The following ENPP3 variants were observed in gnomAD, a reference collection of about 807,000 sequenced individuals.
The protein encoded by ENPP3 is ectonucleotide pyrophosphatase/phosphodiesterase family member 3.
Under a neutral mutation model 117.8 loss-of-function variants are expected in ENPP3, and 104 were observed. The observed-to-expected ratio is 0.88, with a 90% CI of 0.75 to 1.04. The LOEUF (loss-of-function observed/expected upper bound fraction) is 1.04. Among genes scored for constraint, ENPP3 ranks in the 50% least tolerant of loss-of-function variants. The probability of loss-of-function intolerance (pLI) is 0.00; values close to 1 mark genes in which losing one functional copy is unlikely to be tolerated. For missense variants in ENPP3, 1,026 were observed against 1,051.9 expected, an observed-to-expected ratio of 0.98 and a Z score of 0.34; for synonymous variants, 380 against 349.9, an observed-to-expected ratio of 1.09 and a Z score of -0.96.
rs1193599170 is a variant in ENPP3, at chr6:131,691,297, TG to T, written c.1285-2199del. Among the ~76,000 whole-genome samples the T allele has an allele frequency of 6.6e-5, 10 of 152,150 alleles. No homozygotes were observed. In the East Asian group the frequency reaches 1.9e-3, roughly 29 times the overall value. The stretch of plus-strand genomic sequence containing the variant: ...CACTACTATTTATTCTGAGATAAAA[TG>T]TCAAAAACGGCCGGGCGCGGTGGCT... On this transcript the variant is annotated intron_variant, in intron 14 of 24. Transcript: ENST00000357639.
chr6:131,727,555 C>CAAAAAAAAAAAA (rs773470669), intron 20 of ENPP3, among the ~76,000 whole-genome samples: 2 of 52,258 alleles, frequency 3.8e-5, no homozygotes, highest in African/African-American at 6.1e-5. Flanking sequence ...AAGTCCATCT[C>CAAAAAAAAAAAA]AAAAAAAAAA....
intron 14 of ENPP3, among the ~76,000 whole-genome samples, chr6:131,688,271 C>T (rs750912492): frequency 1.7e-4 from 26 of 152,138 alleles, no homozygotes; most frequent in Non-Finnish European, 1.8e-4. Context: ...CCCCTCCTCG[C>T]TTCTGGACTC....
At chr6:131,651,316 A>G (rs1036274462) in intron 3 of ENPP3, among the ~76,000 whole-genome samples, 3 of 152,236 alleles carry the variant, frequency 2.0e-5, no homozygotes, top group Non-Finnish European at 4.4e-5. Context: ...AATTCAACCT[A>G]TAAGACCTAT....
chr6:131,678,346 A>C (rs1778916987), intron 11 of ENPP3, among the ~76,000 whole-genome samples: 1 of 152,250 alleles, frequency 6.6e-6, no homozygotes, highest in African/African-American at 2.4e-5. Context: ...CAGTTCAGTT[A>C]TAAGTTCCTT....
Position 131,713,059 on chromosome 6 carries a change from G to A in ENPP3, c.1413-5613G>A, listed in dbSNP as rs944126149. Among the ~76,000 whole-genome samples, 3 of 133,926 alleles carry A rather than the reference G, an allele frequency of 2.2e-5. No homozygotes were observed. The South Asian group carries it at 7.0e-4, about 31-fold the overall frequency. 87.9% of individuals were successfully genotyped at this position (133,926 alleles called of 152,430 possible). A position where few individuals can be genotyped will look rare whatever the true frequency, so the allele number is the denominator to read the frequency against. ...GGTGAGAGGTAATTGAATCATGGGG[G>A]TGGGTCTTTCCCATGCTGTTGTTGT... On this transcript the variant is annotated intron_variant, in intron 15 of 24. Coordinates refer to ENST00000357639, the MANE Select transcript of ENPP3 (RefSeq NM_005021.5).
chr6:131,685,436 T>A lies in ENPP3; in HGVS notation c.1193T>A (p.Met398Lys). 1 of 1,613,984 alleles carries A rather than the reference T, an allele frequency of 6.2e-7. No individual in the cohort carries two copies. Among genetic ancestry groups the A allele is most frequent in the Non-Finnish European group, 8.5e-7 (1 of 1,179,852 alleles). ...TTTCCCAGAATAAACTTCTTCTACA[T>A]GTACGAAGGGCCTGCCCCCCGCATC... ...DYFPRINFFY[M>K]YEGPAPRIRA... The change falls in exon 13 of 25, where the codon ATG becomes AAG. Residue 398 changes from methionine (M) to lysine (K), a missense_variant. Coordinates refer to ENST00000357639, the MANE Select transcript of ENPP3 (RefSeq NM_005021.5).
At position 131,738,167 on chromosome 6, in the gene ENPP3, A is replaced by C. The variant is rs747494963; in HGVS notation, c.2300+4A>C. On this transcript the variant is annotated splice_donor_region_variant and intron_variant, in intron 23 of 24. Coordinates refer to ENST00000357639, the MANE Select transcript of ENPP3 (RefSeq NM_005021.5). ...ATGCTCCAGATGAAATTACCAAGTAAGTGATTTGACTTTTTGATTTATCAA... is the reference window on the plus strand; with the variant it reads ...ATGCTCCAGATGAAATTACCAAGTACGTGATTTGACTTTTTGATTTATCAA... 4 of 1,609,784 alleles carry C rather than the reference A, an allele frequency of 2.5e-6. No individual in the cohort carries two copies. In the East Asian group the frequency reaches 6.7e-5, roughly 27 times the overall value.
At chr6:131,718,100 C>T (rs1779936696) in intron 15 of ENPP3, among the ~76,000 whole-genome samples, 2 of 152,210 alleles carry the variant, frequency 1.3e-5, no homozygotes, top group Non-Finnish European at 2.9e-5. Context: ...TATTCCTGCC[C>T]TTAAGCAACG....
intron 6 of ENPP3, among the ~76,000 whole-genome samples, chr6:131,665,842 T>C (rs1327047561): frequency 6.6e-6 from 1 of 152,158 alleles, no homozygotes; most frequent in Non-Finnish European, 1.5e-5. Context: ...TCTTTCTTAA[T>C]GTAGGCATTT....
At chr6:131,676,597 C>A in intron 9 of ENPP3, 139 bp from the exon 10 acceptor site, 1 of 599,242 alleles carries the variant, frequency 1.7e-6, no homozygotes, top group Non-Finnish European at 3.0e-6. Flanking sequence ...TTGAATAATA[C>A]TGAATACCTT....
intron 14 of ENPP3, 27 bp downstream of exon 14, chr6:131,685,934 A>G (rs1258694884): frequency 2.8e-6 from 2 of 724,124 alleles, no homozygotes; most frequent in Admixed American, 2.5e-5. Context: ...CTTAATACAT[A>G]TATTTAAGTT....
At chr6:131,682,245 A>G (rs1216261008) in intron 11 of ENPP3, among the ~76,000 whole-genome samples, 1 of 152,104 alleles carries the variant, frequency 6.6e-6, no homozygotes, top group Admixed American at 6.5e-5. Flanking sequence ...TGTAATTCCA[A>G]CACTTTGAGA....
intron 12 of ENPP3, among the ~76,000 whole-genome samples, chr6:131,683,726 G>A (rs998724331): frequency 6.8e-6 from 1 of 148,128 alleles, no homozygotes; most frequent in Admixed American, 6.7e-5. Context: ...CAGTTTTGAA[G>A]TACATATGCA....
In ENPP3 at chr6:131,733,732, A is replaced by G. The variant is rs771787121; in HGVS notation, c.2089+9A>G. On this transcript the variant is annotated intron_variant, in intron 21 of 24. Coordinates refer to ENST00000357639, the MANE Select transcript of ENPP3 (RefSeq NM_005021.5). ...CTTCCTCTATCCTCCTGGTTAGTAG[A>G]ACTCTTTTTTAGAGCAGTAGCTTAG... 1 of 1,613,382 alleles carries G rather than the reference A, an allele frequency of 6.2e-7. No individual in the cohort carries two copies. The highest frequency in any genetic ancestry group is 1.7e-5 in the Admixed American group (1 of 59,998).
At chr6:131,649,700 C>T (rs890559450) in intron 2 of ENPP3, among the ~76,000 whole-genome samples, 4 of 152,076 alleles carry the variant, frequency 2.6e-5, no homozygotes, top group African/African-American at 2.4e-5. Context: ...GGACCATAGG[C>T]GTGCACCACC....
Position 131,676,757 on chromosome 6 carries a change from G to A in ENPP3, c.894G>A (p.Arg298=). ...TCAGAAGTGTCCCATTTGAAGAGAG[G>A]ATTTCTACACTGTTAAAATGGCTGG... The part of the protein sequence containing the change: ...PYNGSVPFEE[R]ISTLLKWLDL... Residue 298 remains arginine (R), a synonymous_variant, in exon 10 of 25, where the codon AGG becomes AGA. Transcript: ENST00000357639. 1 of 1,609,624 alleles carries A rather than the reference G, an allele frequency of 6.2e-7. No homozygotes were observed. Among genetic ancestry groups the A allele is most frequent in the Non-Finnish European group, 8.5e-7 (1 of 1,176,226 alleles).
chr6:131,701,185 C>T (rs1173696267), intron 15 of ENPP3: 4 of 936,150 alleles, frequency 4.3e-6, no homozygotes, highest in Non-Finnish European at 3.2e-6. Context: ...GTGTTGCAGG[C>T]GTAGGCGATG....
Position 131,676,770 on chromosome 6 carries a change from T to G in ENPP3, c.907T>G (p.Leu303Val), listed in dbSNP as rs1778877123. The G allele has an allele frequency of 1.9e-6, 3 of 1,611,740 alleles. No individual in the cohort carries two copies. Among genetic ancestry groups the G allele is most frequent in the African/African-American group, 2.7e-5 (2 of 74,868 alleles). The change falls in exon 10 of 25, where the codon TTA becomes GTA. Residue 303 changes from leucine (L) to valine (V), a missense_variant. Physicochemically the swap from Leu to Val is conservative, Grantham distance 32. Transcript: ENST00000357639. Reference sequence around the variant, plus strand: ...ATTTGAAGAGAGGATTTCTACACTGTTAAAATGGCTGGACCTGCCCAAAGC... The same window carrying G: ...ATTTGAAGAGAGGATTTCTACACTGGTAAAATGGCTGGACCTGCCCAAAGC... ...VPFEERISTL[L>V]KWLDLPKAER...
intron 17 of ENPP3, among the ~76,000 whole-genome samples, chr6:131,721,813 G>A (rs1780039568): frequency 6.6e-6 from 1 of 152,196 alleles, no homozygotes; most frequent in African/African-American, 2.4e-5. Context: ...ACAAAGTGGT[G>A]ATTTAAGGAA....
Sources: gnomAD v4.1 joint callset for allele counts (sites outside exome capture counted in the v4.1 genomes callset) on GRCh38, gnomAD v4.1.1 for gene constraint, MANE v1.5 for transcripts, NCBI Gene and HGNC (gene_info 2026-07-23, HGNC 2026-07-21) for gene names.